The following SHROOM4 variants were observed in gnomAD, a reference collection of about 807,000 sequenced individuals.
SHROOM4 encodes the protein shroom family member 4, also known as protein Shroom4.
In SHROOM4, 17 loss-of-function variants were observed where a neutral mutation model predicts 80.3. That is an observed-to-expected ratio of 0.21 (90% CI 0.14 to 0.32). The LOEUF (loss-of-function observed/expected upper bound fraction) is 0.32. Ranked by LOEUF, SHROOM4 falls within the 10% of genes least tolerant of loss-of-function variation. The pLI is 1.00. For missense variants in SHROOM4, 993 were observed against 1,140.3 expected, an observed-to-expected ratio of 0.87 and a Z score of 1.86; for synonymous variants, 400 against 437.5, an observed-to-expected ratio of 0.91 and a Z score of 1.07.
intron 1 of SHROOM4, among the ~76,000 whole-genome samples, chrX:50,699,150 C>T (rs1236583569): frequency 8.9e-6 from 1 of 112,288 alleles, no homozygotes; most frequent in Non-Finnish European, 1.9e-5. Context: ...CATCACAAAG[C>T]TCAATGTAAA....
At chrX:50,693,081 G>A (rs1933262691) in intron 2 of SHROOM4, among the ~76,000 whole-genome samples, 1 of 111,126 alleles carries the variant, frequency 9.0e-6, no homozygotes, top group African/African-American at 3.3e-5. Context: ...TGGAGCATAG[G>A]AGATATAGAA....
intron 2 of SHROOM4, among the ~76,000 whole-genome samples, chrX:50,649,305 T>C (rs988051195): frequency 5.4e-5 from 6 of 111,579 alleles, no homozygotes; most frequent in Non-Finnish European, 1.1e-4. Flanking sequence ...TAGAAAGAGG[T>C]TGGGGCACGG....
intron 1 of SHROOM4, among the ~76,000 whole-genome samples, chrX:50,704,662 T>G (rs2147476622): frequency 8.9e-6 from 1 of 112,140 alleles, no homozygotes; most frequent in South Asian, 3.8e-4. Flanking sequence ...CTAAACACCC[T>G]TCGGGGTAGG....
At chrX:50,686,702 C>G (rs1457603278) in intron 2 of SHROOM4, among the ~76,000 whole-genome samples, 2 of 110,868 alleles carry the variant, frequency 1.8e-5, no homozygotes, top group African/African-American at 6.6e-5. Context: ...TCTTATCATA[C>G]GGATGGGAAA....
At position 50,693,788 on chromosome X, in the gene SHROOM4, A is replaced by G. The variant is rs1204930509; in HGVS notation, c.269+1998T>C. ...TGAAATATACAATAGATTGTTAACT[A>G]TAGTTACCCTACCAAACTATTGAAC... On this transcript the variant is annotated intron_variant, in intron 2 of 8. Transcript: ENST00000376020. Among the ~76,000 whole-genome samples the G allele has an allele frequency of 8.2e-5, 9 of 110,393 alleles. No homozygotes were observed. The Admixed American group carries it at 8.7e-4, about 11-fold the overall frequency.
chrX:50,803,219 TAA>T (rs1936164057), intron 1 of SHROOM4, among the ~76,000 whole-genome samples: 1 of 112,265 alleles, frequency 8.9e-6, no homozygotes, highest in African/African-American at 3.2e-5. Flanking sequence ...TAATATGTGT[TAA>T]GTTAGAAAAC....
intron 2 of SHROOM4, among the ~76,000 whole-genome samples, chrX:50,693,370 C>G (rs1933273472): frequency 9.1e-6 from 1 of 110,013 alleles, no homozygotes; most frequent in African/African-American, 3.3e-5. Flanking sequence ...AGTTCGCAAC[C>G]AGCCTGGCCA....
At chrX:50,693,636 A>C (rs1228048874) in intron 2 of SHROOM4, among the ~76,000 whole-genome samples, 2 of 107,746 alleles carry the variant, frequency 1.9e-5, no homozygotes, top group African/African-American at 6.8e-5. Flanking sequence ...TTGGGGGTAC[A>C]TGTATCATTC....
chrX:50,728,134 C>A (rs978081295), intron 1 of SHROOM4, among the ~76,000 whole-genome samples: 17 of 110,741 alleles, frequency 1.5e-4, no homozygotes, highest in Admixed American at 3.8e-4. Context: ...CTGAGGTGGG[C>A]GGTTCACGAA....
the SHROOM4 span, among the ~76,000 whole-genome samples, chrX:50,578,763 T>G: frequency 8.9e-6 from 1 of 111,948 alleles, no homozygotes; most frequent in Non-Finnish European, 1.9e-5. Flanking sequence ...AAATGTAGCA[T>G]AGTAATAAAT....
Position 50,588,134 on chromosome X carries a change from G to A in SHROOM4, c.*8561C>T, listed in dbSNP as rs1292442574. 9.0e-6 allele frequency among the ~76,000 whole-genome samples: 1 copy of A among 111,196 alleles called. No homozygotes were observed. The highest frequency in any genetic ancestry group is 2.8e-4 in the East Asian group (1 of 3,533). On this transcript the variant is annotated 3_prime_UTR_variant, in exon 9 of 9. Transcript: ENST00000376020. ...GGAGTATAGACTAGTCATCTTGCAG[G>A]CAGCTAACAGACTACATTGTTCTCA...
chrX:50,681,435 T>A (rs782513555), intron 2 of SHROOM4, among the ~76,000 whole-genome samples: 9 of 111,580 alleles, frequency 8.1e-5, no homozygotes, highest in African/African-American at 1.6e-4. Context: ...CTTGAATACA[T>A]CATGTATTTT....
In SHROOM4 at chrX:50,595,679, C is replaced by T. The variant is rs374973002; in HGVS notation, c.*1016G>A. 3.8e-5 allele frequency: 10 copies of T among 265,200 alleles called. No individual in the cohort carries two copies. The highest frequency in any genetic ancestry group is 2.0e-4 in the African/African-American group (7 of 34,954). 21.9% of individuals were successfully genotyped at this position (265,200 alleles called of 1,213,427 possible). A position where few individuals can be genotyped will look rare whatever the true frequency, so the allele number is the denominator to read the frequency against. On this transcript the variant is annotated 3_prime_UTR_variant, in exon 9 of 9. Transcript: ENST00000376020. ...GGTAGCTATGGTGGGAACAATTCAACGCCTTGGCACTTGCTTACCTAGCCA... is the reference window on the plus strand; with the variant it reads ...GGTAGCTATGGTGGGAACAATTCAATGCCTTGGCACTTGCTTACCTAGCCA...
intron 1 of SHROOM4, among the ~76,000 whole-genome samples, chrX:50,724,695 G>T (rs1278886016): frequency 3.6e-5 from 4 of 111,860 alleles, no homozygotes; most frequent in Non-Finnish European, 7.5e-5. Context: ...TGGTCAGGCT[G>T]GTCTCGAACT....
chrX:50,706,615 T>A (rs1321834243), intron 1 of SHROOM4, among the ~76,000 whole-genome samples: 1 of 111,965 alleles, frequency 8.9e-6, no homozygotes, highest in Non-Finnish European at 1.9e-5. Flanking sequence ...TTTAAGATAC[T>A]TTCTTCTGCA....
chrX:50,596,689 G>A lies in SHROOM4; in HGVS notation c.*6C>T. On this transcript the variant is annotated 3_prime_UTR_variant, in exon 9 of 9. Transcript: ENST00000376020. The stretch of plus-strand genomic sequence containing the variant: ...GCAGGGATGCTGTGGCAGAGTGCTG[G>A]TAGAATTAGAAATTGCTGGGCCCCA... The A allele has an allele frequency of 3.3e-6, 4 of 1,209,196 alleles. No homozygotes were observed. Among genetic ancestry groups the A allele is most frequent in the Non-Finnish European group, 4.5e-6 (4 of 895,519 alleles).
intron 2 of SHROOM4, among the ~76,000 whole-genome samples, chrX:50,670,109 C>CT (rs1288169749): frequency 2.7e-5 from 3 of 109,854 alleles, no homozygotes; most frequent in Non-Finnish European, 5.7e-5. Flanking sequence ...CTTTTTTTTT[C>CT]TTTTTTTATT....
chrX:50,684,284 A>G (rs1557262045), intron 2 of SHROOM4, among the ~76,000 whole-genome samples: 2 of 111,284 alleles, frequency 1.8e-5, no homozygotes, highest in African/African-American at 6.5e-5. Flanking sequence ...CCATGTGAAG[A>G]TGGAGGCAGA....
At chrX:50,627,511 G>T in intron 5 of SHROOM4, 103 bp downstream of exon 5, 1 of 731,250 alleles carries the variant, frequency 1.4e-6, no homozygotes, top group Non-Finnish European at 2.2e-6. Context: ...CTAGATACCA[G>T]GCCAGTTTCC....
Sources: gnomAD v4.1 joint callset for allele counts (sites outside exome capture counted in the v4.1 genomes callset) on GRCh38, gnomAD v4.1.1 for gene constraint, MANE v1.5 for transcripts, NCBI Gene and HGNC (gene_info 2026-07-23, HGNC 2026-07-21) for gene names.